WDHD1: variants seen among roughly 807,000 people sequenced by gnomAD.
The protein encoded by WDHD1 is WD repeat and HMG-box DNA binding protein 1, also known as WD repeat and HMG-box DNA-binding protein 1.
A neutral mutation model predicts 135.4 loss-of-function variants in WDHD1; 111 were observed. The ratio of observed to expected loss-of-function variants is 0.82; its 90% CI spans 0.70 to 0.96. The LOEUF is 0.96. WDHD1 is among the 40% of genes least tolerant of loss of function. The probability of loss-of-function intolerance (pLI) is 0.00; values close to 1 mark genes in which losing one functional copy is unlikely to be tolerated. For missense variants in WDHD1, 1,351 were observed against 1,336.3 expected (o/e 1.01, Z -0.17); for synonymous variants, 434 against 439.0 (o/e 0.99, Z 0.14).
intron 16 of WDHD1, among the ~76,000 whole-genome samples, chr14:54,970,823 A>G (rs2041419766): frequency 6.6e-6 from 1 of 152,196 alleles, no homozygotes; most frequent in Non-Finnish European, 1.5e-5. Flanking sequence ...TGGAGGCATC[A>G]CATTACCCAA....
At chr14:54,949,867 C>T (rs1182495867) in intron 24 of WDHD1, among the ~76,000 whole-genome samples, 1 of 152,182 alleles carries the variant, frequency 6.6e-6, no homozygotes, top group Admixed American at 6.5e-5. Flanking sequence ...GAATTTTCAA[C>T]TCAGAATTTC....
chr14:55,025,653 C>T (rs1489724965), intron 2 of WDHD1, among the ~76,000 whole-genome samples: 2 of 152,248 alleles, frequency 1.3e-5, no homozygotes. Context: ...TAGGATAAAA[C>T]GAGATTCCTT....
chr14:54,956,325 G>A (rs1194551440), intron 23 of WDHD1, among the ~76,000 whole-genome samples: 1 of 152,038 alleles, frequency 6.6e-6, no homozygotes, highest in African/African-American at 2.4e-5. Flanking sequence ...TTTAAAAAGT[G>A]ATCTGTAAAA....
chr14:54,993,546 A>G (rs1210806869), intron 11 of WDHD1, among the ~76,000 whole-genome samples: 8 of 152,236 alleles, frequency 5.3e-5, no homozygotes, highest in Non-Finnish European at 1.2e-4. Flanking sequence ...AATATCCACA[A>G]TTAATTGAAT....
chr14:55,002,229 T>C, intron 7 of WDHD1, 44 bp from the exon 8 acceptor site: 1 of 1,374,936 alleles, frequency 7.3e-7, no homozygotes, highest in Non-Finnish European at 1.0e-6. Flanking sequence ...TTACATTAAA[T>C]TGAATTTGAA....
Position 54,987,248 on chromosome 14 carries a change from A to G in WDHD1, c.1666T>C (p.Leu556=). ...TTTTGAACCCCTCCAATAGTAAACA[A>G]TCGAAGAAGCAGGGCACTAGTAGCG... The part of the protein sequence containing the change: ...AAATSALLLR[L]FTIGGVQKEV... Residue 556 remains leucine, a synonymous_variant, in exon 14 of 26, where the codon TTG becomes CTG. Coordinates refer to ENST00000360586, the MANE Select transcript of WDHD1 (RefSeq NM_007086.4). 1 of 1,614,152 alleles carries G rather than the reference A, an allele frequency of 6.2e-7. No homozygotes were observed. The highest frequency in any genetic ancestry group is 8.5e-7 in the Non-Finnish European group (1 of 1,180,006).
At chr14:54,945,872 G>GC (rs1481741767) in intron 24 of WDHD1, among the ~76,000 whole-genome samples, 1 of 151,992 alleles carries the variant, frequency 6.6e-6, no homozygotes, top group African/African-American at 2.4e-5. Flanking sequence ...GCAGCTATAC[G>GC]CCCCTCACTA....
chr14:54,952,619 C>T (rs1271072192), intron 24 of WDHD1, among the ~76,000 whole-genome samples: 2 of 152,212 alleles, frequency 1.3e-5, no homozygotes, highest in Non-Finnish European at 2.9e-5. Context: ...CAATGACTTT[C>T]TTCACAGAAT....
chr14:54,977,727 T>C (rs529056060), intron 16 of WDHD1, among the ~76,000 whole-genome samples: 1 of 152,304 alleles, frequency 6.6e-6, no homozygotes, highest in East Asian at 1.9e-4. Context: ...GCTACTAGTA[T>C]AGACGGTTTC....
chr14:55,006,139 T>C (rs927936312), intron 7 of WDHD1, among the ~76,000 whole-genome samples: 1 of 152,132 alleles, frequency 6.6e-6, no homozygotes, highest in African/African-American at 2.4e-5. Flanking sequence ...GCTGGGATTA[T>C]AGGTGTGAGC....
chr14:54,994,443 G>GA (rs1214188649), intron 11 of WDHD1, among the ~76,000 whole-genome samples: 10 of 151,956 alleles, frequency 6.6e-5, no homozygotes, highest in Non-Finnish European at 1.3e-4. Flanking sequence ...AGAGTAAAAA[G>GA]AAACAGCCAT....
intron 24 of WDHD1, among the ~76,000 whole-genome samples, chr14:54,953,131 T>C (rs184489819): frequency 7.9e-4 from 121 of 152,262 alleles, no homozygotes; most frequent in African/African-American, 2.7e-3. Context: ...AGATGGGATC[T>C]AATTAAACTA....
intron 16 of WDHD1, among the ~76,000 whole-genome samples, chr14:54,972,597 T>C (rs1465783650): frequency 1.1e-5 from 1 of 93,276 alleles, no homozygotes; most frequent in Non-Finnish European, 2.3e-5. Context: ...AAAATGCCAA[T>C]GAGGCATATT....
intron 15 of WDHD1, among the ~76,000 whole-genome samples, chr14:54,983,493 T>C (rs2041650718): frequency 6.6e-6 from 1 of 151,736 alleles, no homozygotes; most frequent in African/African-American, 2.4e-5. Context: ...GCCAGCATGG[T>C]AAAACCCTGT....
At chr14:55,026,644 C>A in intron 2 of WDHD1, 67 bp downstream of exon 2, 2 of 1,473,626 alleles carry the variant, frequency 1.4e-6, no homozygotes, top group East Asian at 4.5e-5. Context: ...GCTGACTGCA[C>A]ATATAAAGTT....
At chr14:54,989,601 C>G (rs2041751169) in intron 12 of WDHD1, among the ~76,000 whole-genome samples, 1 of 151,770 alleles carries the variant, frequency 6.6e-6, no homozygotes, top group Non-Finnish European at 1.5e-5. Flanking sequence ...ATGCAAATAA[C>G]AACAGACTTT....
intron 24 of WDHD1, among the ~76,000 whole-genome samples, chr14:54,947,694 C>T (rs1003147162): frequency 5.3e-5 from 8 of 151,992 alleles, no homozygotes; most frequent in South Asian, 2.1e-4. Context: ...TGTGTTCAAG[C>T]GATTCTCCTG....
chr14:54,955,101 T>C (rs2041130328), intron 24 of WDHD1, among the ~76,000 whole-genome samples: 1 of 152,164 alleles, frequency 6.6e-6, no homozygotes, highest in Admixed American at 6.5e-5. Context: ...AAAAGTAAGG[T>C]ACAGAATAAT....
intron 24 of WDHD1, among the ~76,000 whole-genome samples, chr14:54,948,781 C>A (rs1036086456): frequency 1.3e-5 from 2 of 152,184 alleles, no homozygotes; most frequent in South Asian, 2.1e-4. Flanking sequence ...ACACCTCACA[C>A]GGCCGGGTAC....
Sources: gnomAD v4.1 joint callset for allele counts (sites outside exome capture counted in the v4.1 genomes callset) on GRCh38, gnomAD v4.1.1 for gene constraint, MANE v1.5 for transcripts, NCBI Gene and HGNC (gene_info 2026-07-23, HGNC 2026-07-21) for gene names.